The following RYR3 variants were observed in gnomAD, a reference collection of about 807,000 sequenced individuals.
The protein encoded by RYR3 is ryanodine receptor 3.
RYR3 carries 207 observed loss-of-function variants against 584.3 expected under a neutral mutation model. The ratio of observed to expected loss-of-function variants is 0.35; its 90% CI spans 0.32 to 0.40. RYR3 has a LOEUF of 0.40. Among genes scored for constraint, RYR3 ranks in the 10% least tolerant of loss-of-function variants. RYR3 has a pLI of 1.00. For missense variants in RYR3, 5,616 were observed against 6,089.2 expected (o/e 0.92, Z 2.59); for synonymous variants, 2,416 against 2,248.5 (o/e 1.07, Z -2.11).
intron 1 of RYR3, among the ~76,000 whole-genome samples, chr15:33,426,633 C>A (rs1489864724): frequency 6.6e-6 from 1 of 152,140 alleles, no homozygotes; most frequent in Non-Finnish European, 1.5e-5. Flanking sequence ...CTGGATTTAA[C>A]AAAGATATAA....
At chr15:33,320,820 A>T (rs990014388) in intron 1 of RYR3, among the ~76,000 whole-genome samples, 1 of 152,254 alleles carries the variant, frequency 6.6e-6, no homozygotes, top group East Asian at 1.9e-4. Context: ...TCAACAAAAC[A>T]GTGTAAACAT....
chr15:33,555,139 A>T (rs2056982934), intron 10 of RYR3, among the ~76,000 whole-genome samples: 1 of 152,220 alleles, frequency 6.6e-6, no homozygotes, highest in Admixed American at 6.5e-5. Flanking sequence ...TCTATGTGCT[A>T]AGCATGGTGT....
intron 1 of RYR3, among the ~76,000 whole-genome samples, chr15:33,350,273 A>T (rs1318468822): frequency 1.3e-5 from 2 of 152,138 alleles, no homozygotes; most frequent in East Asian, 3.9e-4. Context: ...GTCCTGAGTG[A>T]CCTACAAAGA....
At chr15:33,849,472 C>G (rs1356089128) in intron 94 of RYR3, 1 of 152,214 alleles carries the variant, frequency 6.6e-6, no homozygotes, top group Non-Finnish European at 1.5e-5. Context: ...AAATGCTTGG[C>G]AAATGCCTGG....
intron 1 of RYR3, among the ~76,000 whole-genome samples, chr15:33,378,692 A>T (rs1418009069): frequency 1.3e-5 from 2 of 152,256 alleles, no homozygotes; most frequent in African/African-American, 2.4e-5. Context: ...GGCCATGTGC[A>T]GTGGCTCACG....
chr15:33,721,492 C>T (rs1021553695), intron 43 of RYR3, among the ~76,000 whole-genome samples: 1 of 152,224 alleles, frequency 6.6e-6, no homozygotes, highest in African/African-American at 2.4e-5. Context: ...CAGCTTATCA[C>T]ATTGTAACCT....
intron 19 of RYR3, among the ~76,000 whole-genome samples, chr15:33,619,123 C>T (rs899415280): frequency 2.0e-5 from 3 of 150,888 alleles, no homozygotes; most frequent in Non-Finnish European, 4.4e-5. Context: ...GAGTCGCTTA[C>T]TGTAAACACT....
chr15:33,538,515 C>G (rs145061424), intron 5 of RYR3, among the ~76,000 whole-genome samples: 1 of 152,320 alleles, frequency 6.6e-6, no homozygotes, highest in Admixed American at 6.5e-5. Flanking sequence ...TTTCCAAAAC[C>G]AGACCACCCT....
intron 51 of RYR3, among the ~76,000 whole-genome samples, chr15:33,741,598 A>T (rs1338465607): frequency 6.6e-6 from 1 of 151,230 alleles, no homozygotes; most frequent in Admixed American, 6.6e-5. Flanking sequence ...CCAAAATTCT[A>T]GTTTTGTTTT....
At chr15:33,357,885 G>A (rs1328963553) in intron 1 of RYR3, among the ~76,000 whole-genome samples, 1 of 152,170 alleles carries the variant, frequency 6.6e-6, no homozygotes, top group Non-Finnish European at 1.5e-5. Flanking sequence ...TACATGAATG[G>A]CAAACTTACG....
intron 27 of RYR3, among the ~76,000 whole-genome samples, chr15:33,637,167 A>G (rs972415646): frequency 1.3e-5 from 2 of 152,234 alleles, no homozygotes; most frequent in African/African-American, 4.8e-5. Context: ...TTTCTTGTCT[A>G]TATAACTACA....
chr15:33,798,737 A>G (rs2075761327), intron 67 of RYR3, among the ~76,000 whole-genome samples: 2 of 152,224 alleles, frequency 1.3e-5, no homozygotes, highest in Admixed American at 6.5e-5. Flanking sequence ...AATATTGAGT[A>G]GACAACCAGT....
In RYR3 at chr15:33,791,938, T is replaced by C. The variant is rs367714530; in HGVS notation, c.9830+3480T>C. ...GAAGGTAGTGGACAGAGAAGTGAAA[T>C]GCATGGATTTAAGATTAGGGGATTA... On this transcript the variant is annotated intron_variant, in intron 67 of 103. Coordinates refer to ENST00000634891, the MANE Select transcript of RYR3 (RefSeq NM_001036.6). Among the ~76,000 whole-genome samples, 31 of 151,476 alleles carry C rather than the reference T, an allele frequency of 2.0e-4. No homozygotes were observed. The East Asian group carries it at 5.2e-3, about 26-fold the overall frequency.
intron 31 of RYR3, among the ~76,000 whole-genome samples, chr15:33,650,941 GAAAGT>G (rs1205557586): frequency 3.3e-5 from 5 of 152,208 alleles, no homozygotes; most frequent in Admixed American, 6.5e-5. Flanking sequence ...GATTGGAAAG[GAAAGT>G]ATTCTAAAGT....
intron 21 of RYR3, among the ~76,000 whole-genome samples, chr15:33,629,358 G>C (rs1479934033): frequency 6.6e-6 from 1 of 152,198 alleles, no homozygotes; most frequent in Non-Finnish European, 1.5e-5. Context: ...ATAGTCACCA[G>C]ATTTTGAAGA....
At position 33,855,989 on chromosome 15, in the gene RYR3, G is replaced by A. The variant is rs1597062293; in HGVS notation, c.14007+1077G>A. ...TTGTACGGGAGAGGGAGAAAAGACG[G>A]AAGTTACAGTGTGCCAAGCTCATGC... is the stretch of plus-strand genomic sequence containing the variant. On this transcript the variant is annotated intron_variant, in intron 98 of 103. Transcript: ENST00000634891. 2.0e-5 allele frequency: 3 copies of A among 152,266 alleles called. No homozygotes were observed. In the Middle Eastern group the frequency reaches 0.01, roughly 518 times the overall value. 9.4% of individuals were successfully genotyped at this position (152,266 alleles called of 1,614,324 possible). A position where few individuals can be genotyped will look rare whatever the true frequency, so the allele number is the denominator to read the frequency against.
chr15:33,312,131 T>C (rs1967408225), intron 1 of RYR3, among the ~76,000 whole-genome samples: 1 of 152,254 alleles, frequency 6.6e-6, no homozygotes, highest in South Asian at 2.1e-4. Context: ...CAAATCGCTC[T>C]GTAAATCTTA....
intron 11 of RYR3, among the ~76,000 whole-genome samples, chr15:33,563,948 C>T (rs2057555842): frequency 6.6e-6 from 1 of 152,150 alleles, no homozygotes; most frequent in African/African-American, 2.4e-5. Flanking sequence ...CTTCTGAAAA[C>T]AACCGCAAAG....
At chr15:33,781,879 CT>C (rs1471080760) in intron 65 of RYR3, among the ~76,000 whole-genome samples, 1 of 150,304 alleles carries the variant, frequency 6.7e-6, no homozygotes, top group South Asian at 2.1e-4. Context: ...GATTTCCAAC[CT>C]TTTTTTTACT....
Sources: allele counts gnomAD v4.1 joint callset (sites outside exome capture counted in the v4.1 genomes callset), GRCh38; gene constraint gnomAD v4.1.1; transcripts MANE v1.5; gene names NCBI Gene and HGNC (gene_info 2026-07-23, HGNC 2026-07-21).